The following MAMLD1 variants were observed in gnomAD, a reference collection of about 807,000 sequenced individuals.
The protein encoded by MAMLD1 is mastermind-like domain-containing protein 1.
MAMLD1 carries 14 observed loss-of-function variants against 45.0 expected under a neutral mutation model. The ratio of observed to expected loss-of-function variants is 0.31; its 90% CI spans 0.21 to 0.49. MAMLD1 has a LOEUF of 0.49. Ranked by LOEUF, MAMLD1 falls within the 20% of genes least tolerant of loss-of-function variation. The pLI, the probability that MAMLD1 is intolerant of heterozygous loss-of-function variation, is 0.99. For synonymous variants in MAMLD1, 254 were observed against 247.8 expected (o/e 1.02, Z -0.24); for missense variants, 543 against 603.6 (o/e 0.90, Z 1.05).
intron 1 of MAMLD1, among the ~76,000 whole-genome samples, chrX:150,422,852 G>GA (rs2034565749): frequency 2.7e-5 from 3 of 111,352 alleles, no homozygotes; most frequent in African/African-American, 6.5e-5. Flanking sequence ...TGCCTGCATT[G>GA]AAAAAAAAGG....
At chrX:150,416,083 C>A (rs936454225) in intron 1 of MAMLD1, among the ~76,000 whole-genome samples, 2 of 111,763 alleles carry the variant, frequency 1.8e-5, no homozygotes, top group Non-Finnish European at 3.8e-5. Context: ...AGTTAACTAG[C>A]ACATTGCACA....
rs781984602 is a variant in MAMLD1 at position 150,487,490 on chromosome X, C to T, written c.2040+13688C>T. ...CACAGCGGTCTGTGGGATGATTCCA[C>T]GTGACTGCAGAAAGCAGCTCTTTTC... is the stretch of plus-strand genomic sequence containing the variant. On this transcript the variant is annotated intron_variant, in intron 5 of 7. Coordinates refer to ENST00000370401, the MANE Select transcript of MAMLD1 (RefSeq NM_005491.5). 8.9e-5 allele frequency among the ~76,000 whole-genome samples: 10 copies of T among 112,366 alleles called. No homozygotes were observed. The South Asian group carries it at 1.1e-3, about 12-fold the overall frequency.
chrX:150,455,042 G>C (rs782667021), intron 2 of MAMLD1, among the ~76,000 whole-genome samples: 1 of 89,326 alleles, frequency 1.1e-5, no homozygotes, highest in East Asian at 3.8e-4. Context: ...GACACTTCAT[G>C]ATGCAATCAT....
chrX:150,446,637 A>C (rs998054464), intron 2 of MAMLD1, among the ~76,000 whole-genome samples: 13 of 112,676 alleles, frequency 1.2e-4, no homozygotes, highest in Non-Finnish European at 1.9e-5. Context: ...AGACATTTAC[A>C]AAACTGTTTA....
intron 1 of MAMLD1, among the ~76,000 whole-genome samples, chrX:150,427,066 A>G (rs1301566085): frequency 4.5e-5 from 5 of 111,246 alleles, no homozygotes; most frequent in African/African-American, 1.6e-4. Context: ...CAGAGCTCCA[A>G]TCTTTACATA....
At chrX:150,392,632 G>A (rs112395488) in intron 1 of MAMLD1, among the ~76,000 whole-genome samples, 4,563 of 109,996 alleles carry the variant, frequency 0.041, 232 homozygotes, top group African/African-American at 0.14. Context: ...ACTTTGCTAG[G>A]CTGAAACCAC....
At chrX:150,488,825 C>T (rs1041693492) in intron 5 of MAMLD1, among the ~76,000 whole-genome samples, 4 of 112,976 alleles carry the variant, frequency 3.5e-5, no homozygotes, top group African/African-American at 6.4e-5. Context: ...TTTGCTGGGT[C>T]GCAAGCCCTT....
At chrX:150,469,607 C>G in intron 3 of MAMLD1, 138 bp from the exon 4 acceptor site, 1 of 112,204 alleles carries the variant, frequency 8.9e-6, no homozygotes, top group Non-Finnish European at 1.8e-5. Context: ...ATAAAAATTC[C>G]TCTCTCTCTC....
intron 1 of MAMLD1, among the ~76,000 whole-genome samples, chrX:150,412,087 CTTA>C (rs1394753522): frequency 1.8e-5 from 2 of 111,999 alleles, no homozygotes; most frequent in African/African-American, 6.5e-5. Flanking sequence ...TAATCAAACA[CTTA>C]TTAAGAAGAG....
intron 1 of MAMLD1, among the ~76,000 whole-genome samples, chrX:150,404,001 A>AGGGAGGGAGGAAGGG (rs2033930546): frequency 2.1e-5 from 2 of 95,107 alleles, no homozygotes; most frequent in African/African-American, 8.0e-5. Context: ...AGAAAGAAGA[A>AGGGAGGGAGGAAGGG]AGGAAGGAAG....
chrX:150,482,311 C>T (rs2036841124), intron 5 of MAMLD1, among the ~76,000 whole-genome samples: 1 of 111,898 alleles, frequency 8.9e-6, no homozygotes, highest in South Asian at 3.7e-4. Flanking sequence ...TAGAGTAGTC[C>T]AATTCATGGA....
At chrX:150,394,096 T>A (rs1218758597) in intron 1 of MAMLD1, among the ~76,000 whole-genome samples, 2 of 106,720 alleles carry the variant, frequency 1.9e-5, no homozygotes, top group Non-Finnish European at 3.9e-5. Context: ...TTGAGTTAAT[T>A]TTTGTGAGGG....
Position 150,452,294 on chromosome X carries a change from G to T in MAMLD1, c.96+6682G>T, listed in dbSNP as rs189166326. On this transcript the variant is annotated intron_variant, in intron 2 of 7. Transcript: ENST00000370401. ...TCATTCACATCCGCAGATGCCAGCT[G>T]AGCCCTGTCACGAGGCTTTGGGGTT... 3.6e-5 allele frequency among the ~76,000 whole-genome samples: 4 copies of T among 112,254 alleles called. No individual in the cohort carries two copies. In the East Asian group the frequency reaches 1.1e-3, roughly 31 times the overall value.
At chrX:150,445,202 C>A (rs1283357485) in intron 1 of MAMLD1, among the ~76,000 whole-genome samples, 1 of 111,877 alleles carries the variant, frequency 8.9e-6, no homozygotes, top group Admixed American at 9.5e-5. Flanking sequence ...CTCCATCCAC[C>A]CCTCTACCTT....
intron 1 of MAMLD1, among the ~76,000 whole-genome samples, chrX:150,405,321 G>T (rs896463627): frequency 9.0e-6 from 1 of 111,223 alleles, no homozygotes; most frequent in Admixed American, 9.6e-5. Context: ...AGGGAAAACT[G>T]GATGTGGGGA....
At chrX:150,367,798 G>C (rs1461519491) in intron 1 of MAMLD1, among the ~76,000 whole-genome samples, 3 of 109,241 alleles carry the variant, frequency 2.7e-5, no homozygotes, top group African/African-American at 1.0e-4. Flanking sequence ...CTATGAGTGA[G>C]AACATGCGGT....
chrX:150,411,781 G>A (rs1557402837), intron 1 of MAMLD1, among the ~76,000 whole-genome samples: 6 of 111,014 alleles, frequency 5.4e-5, no homozygotes, highest in East Asian at 2.8e-4. Flanking sequence ...TTGCTTCCCC[G>A]GTCCCAGCAA....
At chrX:150,479,348 A>T (rs1477563854) in intron 5 of MAMLD1, among the ~76,000 whole-genome samples, 1 of 112,177 alleles carries the variant, frequency 8.9e-6, no homozygotes, top group African/African-American at 3.2e-5. Context: ...CCTACTTAAG[A>T]TGCATCAGTA....
chrX:150,466,358 C>A (rs1369135428), intron 3 of MAMLD1, among the ~76,000 whole-genome samples: 4 of 112,259 alleles, frequency 3.6e-5, no homozygotes, highest in Non-Finnish European at 7.5e-5. Flanking sequence ...AAAGCTCATT[C>A]CATGAAATCC....
Sources: gnomAD v4.1 joint callset for allele counts (sites outside exome capture counted in the v4.1 genomes callset) on GRCh38, gnomAD v4.1.1 for gene constraint, MANE v1.5 for transcripts, NCBI Gene and HGNC (gene_info 2026-07-23, HGNC 2026-07-21) for gene names.